The following SLC13A3 variants were observed in gnomAD, a reference collection of about 807,000 sequenced individuals.
SLC13A3 encodes the protein Na(+)/dicarboxylate cotransporter 3.
In SLC13A3, 40 loss-of-function variants were observed where a neutral mutation model predicts 59.0. That is an observed-to-expected ratio of 0.68 (90% CI 0.53 to 0.88). The LOEUF is 0.88. SLC13A3 is among the 40% of genes least tolerant of loss of function. SLC13A3 has a pLI of 0.00. For synonymous variants in SLC13A3, 317 were observed against 330.3 expected (o/e 0.96, Z 0.44); for missense variants, 699 against 783.2 (o/e 0.89, Z 1.28).
At chr20:46,590,235 G>A (rs2062239702) in intron 6 of SLC13A3, among the ~76,000 whole-genome samples, 1 of 151,862 alleles carries the variant, frequency 6.6e-6, no homozygotes, top group South Asian at 2.1e-4. Context: ...AATAATACTA[G>A]AAGAAAACAT....
At chr20:46,562,938 A>G (rs959172632) in intron 12 of SLC13A3, among the ~76,000 whole-genome samples, 10 of 152,214 alleles carry the variant, frequency 6.6e-5, no homozygotes, top group African/African-American at 2.2e-4. Flanking sequence ...CGCAGGAGTC[A>G]GGAGCGGGAA....
At chr20:46,674,600 C>CGTGTGT (rs1224790534), upstream of SLC13A3, among the ~76,000 whole-genome samples, 793 of 48,368 alleles carry the variant, frequency 0.016, no homozygotes, top group Non-Finnish European at 0.025. Context: ...CGCGCGCGCG[C>CGTGTGT]GCGCGTGTGT....
At chr20:46,593,023 C>A (rs1233552438) in intron 5 of SLC13A3, among the ~76,000 whole-genome samples, 1 of 152,154 alleles carries the variant, frequency 6.6e-6, no homozygotes, top group Non-Finnish European at 1.5e-5. Context: ...GAAACCTTTG[C>A]CCTCCTTATT....
rs184779703 is a variant in SLC13A3 at position 46,669,270 on chromosome 20, C to T, written c.-31+773G>A. ...AAGGAGAAATCTTGTGTTCCACCCCCCTCGTGGACCCCCCGCCCTGCTTAA... is the reference window on the plus strand; with the variant it reads ...AAGGAGAAATCTTGTGTTCCACCCCTCTCGTGGACCCCCCGCCCTGCTTAA... On this transcript the variant is annotated intron_variant, in intron 1 of 12. Transcript: ENST00000290317. Among the ~76,000 whole-genome samples the T allele has an allele frequency of 2.0e-3, 303 of 152,114 alleles. 1 individual carries two copies. The highest frequency in any genetic ancestry group is 3.4e-3 in the Middle Eastern group (1 of 294).
intron 6 of SLC13A3, among the ~76,000 whole-genome samples, chr20:46,591,050 G>T (rs1263681674): frequency 6.6e-6 from 1 of 151,536 alleles, no homozygotes; most frequent in East Asian, 1.9e-4. Context: ...AGAGCCTGTA[G>T]TCCCAGCTAC....
intron 1 of SLC13A3, among the ~76,000 whole-genome samples, chr20:46,626,121 C>CTCTCTCTCTCTCTG (rs750513521): frequency 6.9e-6 from 1 of 144,530 alleles, no homozygotes; most frequent in Non-Finnish European, 1.5e-5. Context: ...CTCTCTCTCT[C>CTCTCTCTCTCTCTG]TGTCTCTCTC....
At chr20:46,656,035 A>G (rs2062986926), upstream of SLC13A3, among the ~76,000 whole-genome samples, 2 of 143,716 alleles carry the variant, frequency 1.4e-5, no homozygotes, top group Non-Finnish European at 3.0e-5. Context: ...TACATATACT[A>G]CAGTATACTA....
At chr20:46,679,114 A>G (rs1202027357) in intron 1 of SLC13A3, among the ~76,000 whole-genome samples, 1 of 152,026 alleles carries the variant, frequency 6.6e-6, no homozygotes, top group African/African-American at 2.4e-5. Context: ...TTTCCCTATA[A>G]ATTACCCAGC....
At chr20:46,603,657 G>T (rs983872672) in intron 3 of SLC13A3, among the ~76,000 whole-genome samples, 6 of 151,712 alleles carry the variant, frequency 4.0e-5, no homozygotes, top group African/African-American at 9.7e-5. Flanking sequence ...CAAAGTGCTG[G>T]GATTACAGAA....
intron 1 of SLC13A3, among the ~76,000 whole-genome samples, chr20:46,656,617 A>G (rs1402320869): frequency 6.7e-6 from 1 of 148,454 alleles, no homozygotes; most frequent in Non-Finnish European, 1.5e-5. Flanking sequence ...TATAGTGTAT[A>G]TATTATACTG....
upstream of SLC13A3, among the ~76,000 whole-genome samples, chr20:46,655,922 C>CTGTACAGTATATTATATATAT (rs2062984579): frequency 1.6e-4 from 22 of 134,980 alleles, no homozygotes; most frequent in African/African-American, 5.9e-4. Flanking sequence ...ATTATATATA[C>CTGTACAGTATATTATATATAT]GTATATAATA....
intron 1 of SLC13A3, among the ~76,000 whole-genome samples, chr20:46,677,826 G>A (rs2063135221): frequency 1.3e-5 from 2 of 152,272 alleles, no homozygotes; most frequent in Middle Eastern, 3.4e-3. Context: ...AGTGGAGACT[G>A]GGGCAAATTG....
At chr20:46,626,571 AC>A (rs1481751530) in intron 1 of SLC13A3, among the ~76,000 whole-genome samples, 2 of 151,522 alleles carry the variant, frequency 1.3e-5, no homozygotes, top group Non-Finnish European at 2.9e-5. Context: ...AGCCAGAGTG[AC>A]CCCCAAATGC....
intron 1 of SLC13A3, among the ~76,000 whole-genome samples, chr20:46,637,841 T>A (rs2062809440): frequency 6.6e-6 from 1 of 152,140 alleles, no homozygotes. Flanking sequence ...CTAGGGTTCA[T>A]GCTCTCATGG....
intron 1 of SLC13A3, among the ~76,000 whole-genome samples, chr20:46,643,198 G>C (rs114120459): frequency 0.04 from 6,030 of 152,182 alleles, 364 homozygotes; most frequent in African/African-American, 0.13. Context: ...TGGGTGGGAA[G>C]GGGGGAAGGG....
rs79264874 is a variant in SLC13A3, at chr20:46,641,097, G to A, written c.111+10214C>T. Among the ~76,000 whole-genome samples the A allele has an allele frequency of 7.4e-3, 1,124 of 152,278 alleles. 11 individuals carry two copies. The highest frequency in any genetic ancestry group is 0.024 in the African/African-American group (988 of 41,568). On this transcript the variant is annotated intron_variant, in intron 1 of 12. Transcript: ENST00000279027. ...GAGGGATCTGGGTCCACTAGGCTGG[G>A]AGAGGTTAGCAAAGTCTCTCCAGTC...
chr20:46,574,991 A>G (rs1242144470), intron 10 of SLC13A3, among the ~76,000 whole-genome samples: 2 of 151,830 alleles, frequency 1.3e-5, no homozygotes, highest in Non-Finnish European at 2.9e-5. Flanking sequence ...ACAAAAGAAA[A>G]TTAGCTGGGC....
chr20:46,651,839 C>A (rs1478971271), upstream of SLC13A3, among the ~76,000 whole-genome samples: 1 of 152,216 alleles, frequency 6.6e-6, no homozygotes, highest in Non-Finnish European at 1.5e-5. Context: ...TGGCCTTCAA[C>A]AACAGCCTCT....
At chr20:46,618,583 T>G (rs549479769) in intron 1 of SLC13A3, among the ~76,000 whole-genome samples, 14 of 152,174 alleles carry the variant, frequency 9.2e-5, no homozygotes, top group Non-Finnish European at 1.9e-4. Context: ...AAAAAGGGCC[T>G]AAGAGCCTTC....
Sources: gnomAD v4.1 joint callset for allele counts (sites outside exome capture counted in the v4.1 genomes callset) on GRCh38, gnomAD v4.1.1 for gene constraint, MANE v1.5 for transcripts, NCBI Gene and HGNC (gene_info 2026-07-23, HGNC 2026-07-21) for gene names.